The following KCTD20 variants were observed in gnomAD, a reference collection of about 807,000 sequenced individuals.
KCTD20 encodes the protein potassium channel tetramerization domain containing 20.
A neutral mutation model predicts 39.6 loss-of-function variants in KCTD20; 30 were observed. The ratio of observed to expected loss-of-function variants is 0.76; its 90% confidence interval spans 0.57 to 1.03. The LOEUF (loss-of-function observed/expected upper bound fraction) is 1.03. Among genes scored for constraint, KCTD20 ranks in the 50% least tolerant of loss-of-function variants. The probability of loss-of-function intolerance (pLI) is 0.00; values close to 1 mark genes in which losing one functional copy is unlikely to be tolerated. For synonymous variants in KCTD20, 162 were observed against 180.6 expected (o/e 0.90, Z 0.83); for missense variants, 422 against 522.0 (o/e 0.81, Z 1.87).
intron 1 of KCTD20, among the ~76,000 whole-genome samples, chr6:36,452,362 T>C (rs910228086): frequency 6.6e-6 from 1 of 152,176 alleles, no homozygotes; most frequent in Non-Finnish European, 1.5e-5. Context: ...TATAGGACTT[T>C]GCAGATTTTC....
intron 2 of KCTD20, among the ~76,000 whole-genome samples, chr6:36,471,150 C>CAA (rs57194798): frequency 0.11 from 15,476 of 138,200 alleles, 1,088 homozygotes; most frequent in South Asian, 0.23. Flanking sequence ...GACTGTGTCT[C>CAA]AAAAAAAAAA....
At chr6:36,480,893 C>T (rs192652089) in intron 5 of KCTD20, among the ~76,000 whole-genome samples, 9 of 152,302 alleles carry the variant, frequency 5.9e-5, no homozygotes, top group East Asian at 1.9e-4. Context: ...TTTATAGATA[C>T]GGACTTGCTT....
intron 1 of KCTD20, among the ~76,000 whole-genome samples, chr6:36,460,869 A>G (rs1211259723): frequency 1.3e-5 from 2 of 152,156 alleles, no homozygotes; most frequent in Non-Finnish European, 2.9e-5. Flanking sequence ...AGCATGGACT[A>G]TGAAGCCAGA....
At chr6:36,465,747 G>A (rs1457733269) in intron 1 of KCTD20, 1 of 152,102 alleles carries the variant, frequency 6.6e-6, no homozygotes, top group Non-Finnish European at 1.5e-5. Context: ...TGGGAGGCCT[G>A]TGAAATAAAT....
At chr6:36,449,605 T>C (rs923864038) in intron 1 of KCTD20, among the ~76,000 whole-genome samples, 2 of 152,192 alleles carry the variant, frequency 1.3e-5, no homozygotes, top group Admixed American at 1.3e-4. Context: ...TACAATCCTT[T>C]AGGCAGAAAA....
chr6:36,445,768 G>A (rs1775021942), intron 1 of KCTD20, among the ~76,000 whole-genome samples: 1 of 152,156 alleles, frequency 6.6e-6, no homozygotes, highest in African/African-American at 2.4e-5. Flanking sequence ...CAAATTAAAT[G>A]CTTCAAAAGT....
rs1453265693 is a variant in KCTD20, at chr6:36,484,557, T to C, written c.857-157T>C. Among the ~76,000 whole-genome samples, 11 of 152,206 alleles carry C rather than the reference T, an allele frequency of 7.2e-5. No homozygotes were observed. The East Asian group carries it at 2.1e-3, about 29-fold the overall frequency. Reference sequence around the variant, plus strand: ...CACCCTGAGACTATAAAAATTTCTCTTACGGTTTATGTATTATTTAACATT... The same window carrying C: ...CACCCTGAGACTATAAAAATTTCTCCTACGGTTTATGTATTATTTAACATT... On this transcript the variant is annotated intron_variant, in intron 6 of 7. Coordinates refer to ENST00000373731, the MANE Select transcript of KCTD20 (RefSeq NM_173562.5).
intron 1 of KCTD20, among the ~76,000 whole-genome samples, chr6:36,448,098 A>C (rs1775115491): frequency 6.7e-6 from 1 of 150,344 alleles, no homozygotes; most frequent in Admixed American, 6.6e-5. Context: ...GCCCTTACTA[A>C]AACAGGAACA....
At chr6:36,454,194 A>G (rs1206523113) in intron 1 of KCTD20, among the ~76,000 whole-genome samples, 2 of 152,216 alleles carry the variant, frequency 1.3e-5, no homozygotes, top group African/African-American at 2.4e-5. Flanking sequence ...CAAACCTTCT[A>G]TATGAGCAGT....
Position 36,489,647 on chromosome 6 carries a change from T to A in KCTD20, c.*2472T>A, listed in dbSNP as rs1776526804. ...CACAGAAACAAGGGCTGGGTTGAGG[T>A]CACCCCCTTCAGAGTTGGTTCCTGG... On this transcript the variant is annotated 3_prime_UTR_variant, in exon 8 of 8. Transcript: ENST00000373731. 1 of 152,192 alleles carries A rather than the reference T, an allele frequency of 6.6e-6. No homozygotes were observed. The highest frequency in any genetic ancestry group is 6.5e-5 in the Admixed American group (1 of 15,272). 9.4% of individuals were successfully genotyped at this position (152,192 alleles called of 1,614,324 possible). A position where few individuals can be genotyped will look rare whatever the true frequency, so the allele number is the denominator to read the frequency against.
intron 1 of KCTD20, among the ~76,000 whole-genome samples, chr6:36,454,874 C>G (rs1775383988): frequency 6.6e-6 from 1 of 151,538 alleles, no homozygotes; most frequent in African/African-American, 2.4e-5. Context: ...TCTTGAACTC[C>G]TGACCTCAGG....
rs1367956225 is a variant in KCTD20, at chr6:36,489,937, C to G, written c.*2762C>G. On this transcript the variant is annotated 3_prime_UTR_variant, in exon 8 of 8. Coordinates refer to ENST00000373731, the MANE Select transcript of KCTD20 (RefSeq NM_173562.5). Reference sequence around the variant, plus strand: ...AAGTCAGATCATTTAATGGTTTCCCCTAAGCCCTGGAAAAATATTTGAAAG... The same window carrying G: ...AAGTCAGATCATTTAATGGTTTCCCGTAAGCCCTGGAAAAATATTTGAAAG... 6.6e-6 allele frequency: 1 copy of G among 152,148 alleles called. No homozygotes were observed. The highest frequency in any genetic ancestry group is 1.5e-5 in the Non-Finnish European group (1 of 68,040). 9.4% of individuals were successfully genotyped at this position (152,148 alleles called of 1,614,324 possible).
At chr6:36,480,308 C>T (rs538739493) in intron 5 of KCTD20, among the ~76,000 whole-genome samples, 16 of 151,928 alleles carry the variant, frequency 1.1e-4, no homozygotes, top group African/African-American at 3.4e-4. Context: ...TTTGGTGTCT[C>T]GACTCTAACA....
chr6:36,485,488 C>CTTTTTTTT (rs34990483), intron 7 of KCTD20, among the ~76,000 whole-genome samples: 3 of 97,120 alleles, frequency 3.1e-5, no homozygotes, highest in Admixed American at 1.3e-4. Flanking sequence ...TGGAGTGGAT[C>CTTTTTTTT]TTTTTTTTTT....
At position 36,481,604 on chromosome 6, in the gene KCTD20, A is replaced by C. The variant is rs1169997538; in HGVS notation, c.701A>C (p.Gln234Pro). 6.2e-7 allele frequency: 1 copy of C among 1,614,252 alleles called. No homozygotes were observed. Among genetic ancestry groups the C allele is most frequent in the Non-Finnish European group, 8.5e-7 (1 of 1,180,048 alleles). Reference protein sequence around the residue: ...HELSNDGAHKQFDHYLEELIL... With the variant: ...HELSNDGAHKPFDHYLEELIL... ...CTGTCTAATGACGGTGCTCATAAGC[A>C]GTTTGATCACTACCTCGAAGAGCTC... Residue 234 changes from glutamine to proline, a missense_variant, in exon 6 of 8, where the codon CAG becomes CCG. Transcript: ENST00000373731.
Position 36,474,792 on chromosome 6 carries a change from T to G in KCTD20, c.164T>G (p.Leu55Arg). The stretch of plus-strand genomic sequence containing the variant: ...GTTTCTTTGTATGTTCTTTTAGACC[T>G]CTCACTTGACTATGCCTCTCAGCCA... Reference protein sequence around the residue: ...TYPLGPRNEDLSLDYASQPAN... With the variant: ...TYPLGPRNEDRSLDYASQPAN... The change falls in exon 3 of 8, where the codon CTC becomes CGC. Residue 55 changes from leucine to arginine, a missense_variant. Coordinates refer to ENST00000373731, the MANE Select transcript of KCTD20 (RefSeq NM_173562.5). 6.2e-7 allele frequency: 1 copy of G among 1,602,004 alleles called. No individual in the cohort carries two copies. Among genetic ancestry groups the G allele is most frequent in the Non-Finnish European group, 8.5e-7 (1 of 1,172,734 alleles).
At position 36,487,071 on chromosome 6, in the gene KCTD20, T is replaced by G; in HGVS notation, c.1156T>G (p.Leu386Val). ...TCTGGTAGCTGCTGGAGATGATGTCTTGGAGGACCAGGAGATATTAATGCA... is the reference window on the plus strand; with the variant it reads ...TCTGGTAGCTGCTGGAGATGATGTCGTGGAGGACCAGGAGATATTAATGCA... ...TNLVAAGDDV[L>V]EDQEILMHHP... The change falls in exon 8 of 8, where the codon TTG (leucine) becomes GTG (valine). Residue 386 changes from leucine (L) to valine (V), a missense_variant. Transcript: ENST00000373731. 4.3e-6 allele frequency: 7 copies of G among 1,614,228 alleles called. No homozygotes were observed. Among genetic ancestry groups the G allele is most frequent in the Non-Finnish European group, 5.9e-6 (7 of 1,180,028 alleles).
chr6:36,472,116 G>A (rs1239980921), intron 2 of KCTD20, among the ~76,000 whole-genome samples: 1 of 152,174 alleles, frequency 6.6e-6, no homozygotes, highest in East Asian at 1.9e-4. Context: ...CCAAAGTGCT[G>A]GGACTACAGG....
chr6:36,482,029 T>G (rs745959247), intron 6 of KCTD20, among the ~76,000 whole-genome samples: 1 of 152,208 alleles, frequency 6.6e-6, no homozygotes, highest in Non-Finnish European at 1.5e-5. Flanking sequence ...TCTTAATTCA[T>G]TTTAAATCCT....
Sources: allele counts gnomAD v4.1 joint callset (sites outside exome capture counted in the v4.1 genomes callset), GRCh38; gene constraint gnomAD v4.1.1; transcripts MANE v1.5; gene names NCBI Gene and HGNC (gene_info 2026-07-23, HGNC 2026-07-21).